Variants in TMEM106B observed in about 807,000 individuals in gnomAD.
TMEM106B encodes the protein transmembrane protein 106B.
TMEM106B carries 15 observed loss-of-function variants against 31.1 expected under a neutral mutation model. The ratio of observed to expected loss-of-function variants is 0.48; its 90% CI spans 0.32 to 0.74. The LOEUF (loss-of-function observed/expected upper bound fraction) is 0.74, where lower values mean the gene tolerates loss of function less well. Ranked by LOEUF, TMEM106B falls within the 30% of genes least tolerant of loss-of-function variation. TMEM106B has a pLI of 0.03. For synonymous variants in TMEM106B, 126 were observed against 112.5 expected, an observed-to-expected ratio of 1.12 and a Z score of -0.76; for missense variants, 283 against 327.3, an observed-to-expected ratio of 0.86 and a Z score of 1.04.
chr7:12,229,102 T>C (rs1393312347), intron 4 of TMEM106B, among the ~76,000 whole-genome samples: 1 of 152,178 alleles, frequency 6.6e-6, no homozygotes, highest in African/African-American at 2.4e-5. Flanking sequence ...AGATCTTTTA[T>C]ATATCTGTTA....
intron 4 of TMEM106B, among the ~76,000 whole-genome samples, chr7:12,224,989 G>A (rs1781870715): frequency 6.6e-6 from 1 of 151,696 alleles, no homozygotes; most frequent in African/African-American, 2.4e-5. Context: ...TTTACTTTAG[G>A]TATTTCTCCT....
chr7:12,231,305 C>G, intron 7 of TMEM106B, 190 bp downstream of exon 7: 2 of 494,112 alleles, frequency 4.0e-6, no homozygotes, highest in Non-Finnish European at 7.1e-6. Flanking sequence ...TAGTGAAAGA[C>G]TACGTGACTG....
intron 3 of TMEM106B, among the ~76,000 whole-genome samples, chr7:12,219,996 T>G (rs1054260897): frequency 3.9e-5 from 6 of 152,154 alleles, no homozygotes; most frequent in African/African-American, 1.4e-4. Flanking sequence ...ATTCTTGAAC[T>G]TTAAGAAAAC....
At chr7:12,225,436 A>G (rs1167108514) in intron 4 of TMEM106B, among the ~76,000 whole-genome samples, 1 of 152,186 alleles carries the variant, frequency 6.6e-6, no homozygotes. Flanking sequence ...TCCTTGAAGA[A>G]TCACCACACT....
At position 12,234,930 on chromosome 7, in the gene TMEM106B, C is replaced by G. The variant is rs981051012; in HGVS notation, c.*2955C>G. On this transcript the variant is annotated 3_prime_UTR_variant, in exon 8 of 8. Coordinates refer to ENST00000396668, the MANE Select transcript of TMEM106B (RefSeq NM_001134232.2). ...TGAGGGACTGGCTGAAGATCACGTA[C>G]TTACTAAGTAGTACAACTGGAGCAA... is the stretch of plus-strand genomic sequence containing the variant. 6.6e-6 allele frequency: 1 copy of G among 151,852 alleles called. No individual in the cohort carries two copies. The highest frequency in any genetic ancestry group is 1.5e-5 in the Non-Finnish European group (1 of 67,812). The allele number at this position is 151,852 out of a possible 1,614,324, so 9.4% of individuals were successfully genotyped here.
At chr7:12,216,105 G>A (rs566055505) in intron 2 of TMEM106B, among the ~76,000 whole-genome samples, 6 of 152,090 alleles carry the variant, frequency 3.9e-5, no homozygotes, top group Non-Finnish European at 7.4e-5. Context: ...TTACATTTGC[G>A]TTGGCCTTTG....
rs59571631 is a variant in TMEM106B, at chr7:12,221,363, CT to C, written c.281+2845del. On this transcript the variant is annotated intron_variant, in intron 3 of 7. Coordinates refer to ENST00000396668, the MANE Select transcript of TMEM106B (RefSeq NM_001134232.2). ...TTAATAGTTGCATTATTAGGAGTAC[CT>C]TTGATGTAGTTTGGAAATTTTATAC... Among the ~76,000 whole-genome samples the C allele has an allele frequency of 4.1e-3, 616 of 152,080 alleles. 5 individuals carry two copies. The highest frequency in any genetic ancestry group is 0.014 in the African/African-American group (597 of 41,466).
At chr7:12,227,611 A>G (rs1443558723) in intron 4 of TMEM106B, among the ~76,000 whole-genome samples, 1 of 124,922 alleles carries the variant, frequency 8.0e-6, no homozygotes, top group Non-Finnish European at 1.8e-5. Flanking sequence ...TAATTTTACT[A>G]TTACAAATAT....
Position 12,231,850 on chromosome 7 carries a change from A to G in TMEM106B, c.700A>G (p.Thr234Ala). Residue 234 changes from threonine (T) to alanine (A), a missense_variant, in exon 8 of 8, where the codon ACA becomes GCA. This residue lies in a region of TMEM106B where 201 missense variants were observed against 211.5 expected (regional missense o/e 0.95). Transcript: ENST00000396668. Reference protein sequence around the residue: ...IVLMMQVTVTTTYFGHSEQIS... With the variant: ...IVLMMQVTVTATYFGHSEQIS... ...CATTATTTTTAGAGTTACTGTGACA[A>G]CAACATACTTTGGCCACTCTGAACA... The G allele has an allele frequency of 6.2e-7, 1 of 1,600,752 alleles. No individual in the cohort carries two copies. The highest frequency in any genetic ancestry group is 8.5e-7 in the Non-Finnish European group (1 of 1,171,208).
At chr7:12,227,230 T>C (rs1781918830) in intron 4 of TMEM106B, among the ~76,000 whole-genome samples, 1 of 152,046 alleles carries the variant, frequency 6.6e-6, no homozygotes, top group African/African-American at 2.4e-5. Context: ...TCTATAAGTA[T>C]GTTGAAAATG....
rs755554780 is a variant in TMEM106B at position 12,231,051 on chromosome 7, T to C, written c.633-11T>C. 1 of 1,571,870 alleles carries C rather than the reference T, an allele frequency of 6.4e-7. No homozygotes were observed. Among genetic ancestry groups the C allele is most frequent in the East Asian group, 2.3e-5 (1 of 44,144 alleles). On this transcript the variant is annotated splice_polypyrimidine_tract_variant and intron_variant, in intron 6 of 7. Coordinates refer to ENST00000396668, the MANE Select transcript of TMEM106B (RefSeq NM_001134232.2). ...AACTTGCATTTGTTCACATTTTAATTTCTTTAACAGTGATTTCTGTACTCT... is the reference window on the plus strand; with the variant it reads ...AACTTGCATTTGTTCACATTTTAATCTCTTTAACAGTGATTTCTGTACTCT...
chr7:12,236,096 T>C lies in TMEM106B; in HGVS notation c.*4121T>C, dbSNP rs1782129900. Reference sequence around the variant, plus strand: ...TTTTTACATTACAACAATATATTTATGATGTGTTCAGATCAAAAATTTAAC... The same window carrying C: ...TTTTTACATTACAACAATATATTTACGATGTGTTCAGATCAAAAATTTAAC... On this transcript the variant is annotated 3_prime_UTR_variant, in exon 8 of 8. Transcript: ENST00000396668. 6.6e-6 allele frequency: 1 copy of C among 151,978 alleles called. No individual in the cohort carries two copies. Among genetic ancestry groups the C allele is most frequent in the African/African-American group, 2.4e-5 (1 of 41,430 alleles). The allele number at this position is 151,978 out of a possible 1,614,324, so 9.4% of individuals were successfully genotyped here. A position where few individuals can be genotyped will look rare whatever the true frequency, so the allele number is the denominator to read the frequency against.
At chr7:12,215,273 T>A (rs879872130) in intron 2 of TMEM106B, among the ~76,000 whole-genome samples, 39 of 152,226 alleles carry the variant, frequency 2.6e-4, no homozygotes, top group Non-Finnish European at 4.7e-4. Flanking sequence ...CCTGCTATTA[T>A]AGCAGATATT....
chr7:12,229,146 CTG>C (rs1223370022), intron 4 of TMEM106B, among the ~76,000 whole-genome samples: 1 of 151,754 alleles, frequency 6.6e-6, no homozygotes, highest in Non-Finnish European at 1.5e-5. Flanking sequence ...TTTTTAATGA[CTG>C]TTTTCTACAG....
intron 2 of TMEM106B, among the ~76,000 whole-genome samples, chr7:12,218,041 C>T (rs1781721757): frequency 6.6e-6 from 1 of 152,044 alleles, no homozygotes; most frequent in Non-Finnish European, 1.5e-5. Flanking sequence ...ATGTCAGAAG[C>T]TCTGCAGTGA....
chr7:12,226,837 A>G (rs896708689), intron 4 of TMEM106B, among the ~76,000 whole-genome samples: 1 of 152,140 alleles, frequency 6.6e-6, no homozygotes, highest in Non-Finnish European at 1.5e-5. Flanking sequence ...GCTAATTGTA[A>G]ATTGTTTTAT....
Position 12,230,418 on chromosome 7 carries a change from A to G in TMEM106B, c.612A>G (p.Ala204=). 6.2e-7 allele frequency: 1 copy of G among 1,600,090 alleles called. No homozygotes were observed. The highest frequency in any genetic ancestry group is 8.5e-7 in the Non-Finnish European group (1 of 1,170,544). The change falls in exon 6 of 8, where the codon GCA becomes GCG. Residue 204 remains alanine (A), a synonymous_variant. Transcript: ENST00000396668. ...ATTACACAGTACCTACCGTTATAGC[A>G]GAGGAAATGAGTTATATGTAGTAAG... The part of the protein sequence containing the change: ...QIDYTVPTVI[A]EEMSYMYDFC...
chr7:12,215,248 A>G (rs958251532), intron 2 of TMEM106B, among the ~76,000 whole-genome samples: 6 of 152,138 alleles, frequency 3.9e-5, no homozygotes, highest in Admixed American at 1.3e-4. Flanking sequence ...TACCTCCAGT[A>G]TTTTTTCATT....
In TMEM106B at chr7:12,232,127, C is replaced by G; in HGVS notation, c.*152C>G. The G allele has an allele frequency of 3.5e-6, 2 of 569,004 alleles. No homozygotes were observed. The highest frequency in any genetic ancestry group is 5.9e-6 in the Non-Finnish European group (2 of 338,950). The allele number at this position is 569,004 out of a possible 1,614,324, so 35.2% of individuals were successfully genotyped here. On this transcript the variant is annotated 3_prime_UTR_variant, in exon 8 of 8. Transcript: ENST00000396668. The stretch of plus-strand genomic sequence containing the variant: ...GTTAAAAGTATGTGGACCTGCAGTT[C>G]TTGTAACTCTCCACTCTGTGTTAAT...
Sources: allele counts gnomAD v4.1 joint callset (sites outside exome capture counted in the v4.1 genomes callset), GRCh38; gene constraint gnomAD v4.1.1; regional missense constraint gnomAD v4.1.1; transcripts MANE v1.5; gene names NCBI Gene and HGNC (gene_info 2026-07-23, HGNC 2026-07-21).